ZNF347: variants seen among roughly 807,000 people sequenced by gnomAD.
The protein encoded by ZNF347 is zinc finger protein 347.
ZNF347 carries 19 observed loss-of-function variants against 12.9 expected under a neutral mutation model. The observed-to-expected ratio is 1.47, with a 90% CI of 1.03 to 2.16. The LOEUF (loss-of-function observed/expected upper bound fraction) is 2.16, where lower values mean the gene tolerates loss of function less well. ZNF347 is among the 30% of genes most tolerant of loss of function. The pLI is 0.00. For synonymous variants in ZNF347, 328 were observed against 340.6 expected (o/e 0.96, Z 0.41); for missense variants, 1,005 against 990.6 (o/e 1.01, Z -0.19).
chr19:53,142,268 C>T lies in ZNF347; in HGVS notation c.560G>A (p.Ser187Asn). The change falls in exon 5 of 5, where the codon AGC becomes AAC. Residue 187 changes from serine (S) to asparagine (N), a missense_variant. Coordinates refer to ENST00000334197, the MANE Select transcript of ZNF347 (RefSeq NM_032584.3). ...CAGTTCAGGCAGATGTGACTGAAGGCTTAATCCAAGCTGATTTTTAATAAG... is the reference window on the plus strand; with the variant it reads ...CAGTTCAGGCAGATGTGACTGAAGGTTTAATCCAAGCTGATTTTTAATAAG... ...NKLIKNQLGL[S>N]LQSHLPELQL... The T allele has an allele frequency of 1.2e-6, 2 of 1,613,686 alleles. No individual in the cohort carries two copies. Among genetic ancestry groups the T allele is most frequent in the Non-Finnish European group, 1.7e-6 (2 of 1,179,864 alleles).
chr19:53,134,982 T>C lies in ZNF347; in HGVS notation c.*5326A>G, dbSNP rs897240548. 6.6e-6 allele frequency: 1 copy of C among 151,208 alleles called. No homozygotes were observed. Among genetic ancestry groups the C allele is most frequent in the African/African-American group, 2.5e-5 (1 of 40,578 alleles). The allele number at this position is 151,208 out of a possible 1,614,324, so 9.4% of individuals were successfully genotyped here. On this transcript the variant is annotated 3_prime_UTR_variant, in exon 5 of 5. Transcript: ENST00000334197. ...TAATACAAAGTTACCACAATCACAA[T>C]GATATATGAAGATAAACCATTTAAA... is the stretch of plus-strand genomic sequence containing the variant.
intron 2 of ZNF347, among the ~76,000 whole-genome samples, chr19:53,152,924 C>T (rs527605583): frequency 1.3e-4 from 20 of 151,776 alleles, no homozygotes; most frequent in Non-Finnish European, 2.8e-4. Flanking sequence ...AGCAAGACTC[C>T]GTCTCAAAAA....
At chr19:53,150,238 C>T (rs990692520) in intron 2 of ZNF347, among the ~76,000 whole-genome samples, 2 of 152,146 alleles carry the variant, frequency 1.3e-5, no homozygotes, top group East Asian at 1.9e-4. Flanking sequence ...TAGGAGGTCA[C>T]TCAGCTGGTG....
rs747920388 is a variant in ZNF347 at position 53,140,318 on chromosome 19, T to C, written c.2510A>G (p.Gln837Arg). The C allele has an allele frequency of 1.0e-5, 16 of 1,545,724 alleles. No homozygotes were observed. The highest frequency in any genetic ancestry group is 1.4e-5 in the African/African-American group (1 of 72,356). Residue 837 changes from glutamine (Q) to arginine (R), a missense_variant, in exon 5 of 5, where the codon CAG (glutamine) becomes CGG (arginine). Physicochemically the swap from Gln to Arg is conservative, Grantham distance 43. Transcript: ENST00000334197. ...TAAGGTTTCTCTCCACTATGAATTC[T>C]GTGATGGCTTGCAAGGTTTGAACTC... ...KSEFKPCKPS[Q>R]NS
In ZNF347 at chr19:53,139,459, T is replaced by A. The variant is rs1402050846; in HGVS notation, c.*849A>T. Reference sequence around the variant, plus strand: ...ATGCAAAATAGCCACAGATCCATAGTTCAGGTTGAAAGTCACAAACAGTAG... The same window carrying A: ...ATGCAAAATAGCCACAGATCCATAGATCAGGTTGAAAGTCACAAACAGTAG... On this transcript the variant is annotated 3_prime_UTR_variant, in exon 5 of 5. Coordinates refer to ENST00000334197, the MANE Select transcript of ZNF347 (RefSeq NM_032584.3). 1 of 152,220 alleles carries A rather than the reference T, an allele frequency of 6.6e-6. No homozygotes were observed. Among genetic ancestry groups the A allele is most frequent in the East Asian group, 1.9e-4 (1 of 5,202 alleles). The allele number at this position is 152,220 out of a possible 1,614,324, so 9.4% of individuals were successfully genotyped here. A position where few individuals can be genotyped will look rare whatever the true frequency, so the allele number is the denominator to read the frequency against.
chr19:53,152,791 A>G (rs879746538), intron 2 of ZNF347, among the ~76,000 whole-genome samples: 2 of 151,884 alleles, frequency 1.3e-5, no homozygotes, highest in African/African-American at 2.4e-5. Context: ...TTAGCCGGGC[A>G]TGGTGGCGGG....
intron 1 of ZNF347, among the ~76,000 whole-genome samples, chr19:53,155,466 G>C (rs187444511): frequency 2.0e-5 from 3 of 151,732 alleles, no homozygotes; most frequent in Non-Finnish European, 4.4e-5. Flanking sequence ...GCAAGTAGCT[G>C]GGAGCGCAGG....
Position 53,154,041 on chromosome 19 carries a change from G to A in ZNF347, c.-46-248C>T, listed in dbSNP as rs147331632. ...CTTCAGAACCCACTCTCCTCCTGGA[G>A]AAGCCCACACACACGCTGCAGCAAT... On this transcript the variant is annotated intron_variant, in intron 1 of 4. Coordinates refer to ENST00000334197, the MANE Select transcript of ZNF347 (RefSeq NM_032584.3). Among the ~76,000 whole-genome samples, 650 of 152,212 alleles carry A rather than the reference G, an allele frequency of 4.3e-3. 4 individuals are homozygous for A. The highest frequency in any genetic ancestry group is 0.015 in the African/African-American group (615 of 41,526).
rs746212153 is a variant in ZNF347, at chr19:53,140,734, C to A, written c.2094G>T (p.Arg698Ser). 6.2e-7 allele frequency: 1 copy of A among 1,612,484 alleles called. No homozygotes were observed. The highest frequency in any genetic ancestry group is 2.2e-5 in the East Asian group (1 of 44,872). Residue 698 changes from arginine (R) to serine (S), a missense_variant, in exon 5 of 5, where the codon AGG becomes AGT. Coordinates refer to ENST00000334197, the MANE Select transcript of ZNF347 (RefSeq NM_032584.3). ...KAFSQTSKLA[R>S]HQRVHTGEKP... ...TCTCTCCAGTATGAACTCTCTGATG[C>A]CTTGCAAGCTTTGATGTTTGACTAA...
Position 53,138,506 on chromosome 19 carries a change from T to C in ZNF347, c.*1802A>G, listed in dbSNP as rs2090399206. 1.3e-5 allele frequency: 2 copies of C among 152,188 alleles called. No homozygotes were observed. The highest frequency in any genetic ancestry group is 6.5e-5 in the Admixed American group (1 of 15,276). 9.4% of individuals were successfully genotyped at this position (152,188 alleles called of 1,614,324 possible). ...CACACAAGCATGTAAAAATATAATA[T>C]GGTATATATTCACCAACACTGTGGC... On this transcript the variant is annotated 3_prime_UTR_variant, in exon 5 of 5. Coordinates refer to ENST00000334197, the MANE Select transcript of ZNF347 (RefSeq NM_032584.3).
At chr19:53,154,715 G>A (rs1048718230) in intron 1 of ZNF347, among the ~76,000 whole-genome samples, 2 of 152,010 alleles carry the variant, frequency 1.3e-5, no homozygotes, top group African/African-American at 2.4e-5. Context: ...AAAGATGACA[G>A]GAAATTAAAC....
intron 2 of ZNF347, chr19:53,149,647 G>A (rs1489224103): frequency 2.1e-5 from 9 of 425,326 alleles, no homozygotes; most frequent in Non-Finnish European, 3.6e-5. Flanking sequence ...ACCAAGGCTG[G>A]ATTACAGAGT....
chr19:53,156,891 CAGTT>C (rs1456879554), intron 1 of ZNF347, among the ~76,000 whole-genome samples: 1 of 152,152 alleles, frequency 6.6e-6, no homozygotes, highest in Non-Finnish European at 1.5e-5. Context: ...ATACGACACT[CAGTT>C]AGTGTCTGAT....
chr19:53,151,271 C>T (rs1261602946), intron 2 of ZNF347, among the ~76,000 whole-genome samples: 3 of 152,054 alleles, frequency 2.0e-5, no homozygotes, highest in Non-Finnish European at 4.4e-5. Context: ...CGTGGTGGCT[C>T]ATGCCTATAA....
chr19:53,155,744 AT>A (rs574576569), intron 1 of ZNF347, among the ~76,000 whole-genome samples: 1 of 152,138 alleles, frequency 6.6e-6, no homozygotes, highest in Non-Finnish European at 1.5e-5. Context: ...AAAAGTTAAA[AT>A]TGATGGCACG....
intron 2 of ZNF347, among the ~76,000 whole-genome samples, chr19:53,152,292 G>T (rs968568745): frequency 2.0e-5 from 3 of 151,956 alleles, no homozygotes; most frequent in Non-Finnish European, 4.4e-5. Flanking sequence ...AAAATTTGCA[G>T]GCTAAAATGT....
chr19:53,140,837 T>G lies in ZNF347; in HGVS notation c.1991A>C (p.Gln664Pro). 1 of 1,614,004 alleles carries G rather than the reference T, an allele frequency of 6.2e-7. No individual in the cohort carries two copies. The highest frequency in any genetic ancestry group is 8.5e-7 in the Non-Finnish European group (1 of 1,179,924). ...CCGATGTCTTGCAAGGTGTGAATTC[T>G]GAGTGAAGACCTTGCCACACTCATT... ...KCNECGKVFT[Q>P]NSHLARHRRV... The change falls in exon 5 of 5, where the codon CAG becomes CCG. Residue 664 changes from glutamine (Q) to proline (P), a missense_variant. By Grantham distance (76) the Gln-to-Pro change is moderately conservative. Transcript: ENST00000334197.
Position 53,138,972 on chromosome 19 carries a change from TAATAA to T in ZNF347, c.*1331_*1335del, listed in dbSNP as rs1009833756. 7.2e-5 allele frequency: 11 copies of T among 152,316 alleles called. No individual in the cohort carries two copies. The highest frequency in any genetic ancestry group is 2.6e-4 in the African/African-American group (11 of 41,570). The allele number at this position is 152,316 out of a possible 1,614,324, so 9.4% of individuals were successfully genotyped here. On this transcript the variant is annotated 3_prime_UTR_variant, in exon 5 of 5. Coordinates refer to ENST00000334197, the MANE Select transcript of ZNF347 (RefSeq NM_032584.3). ...GTTTTTCTGACCAAGCTCTCCACTCTAATAACTGTTACCTCTTCAATTTCAAAAAT... is the reference window on the plus strand; with the variant it reads ...GTTTTTCTGACCAAGCTCTCCACTCTCTGTTACCTCTTCAATTTCAAAAAT...
intron 2 of ZNF347, 137 bp from the exon 3 acceptor site, chr19:53,149,504 T>C (rs1457788037): frequency 6.8e-7 from 1 of 1,466,414 alleles, no homozygotes; most frequent in African/African-American, 1.4e-5. Context: ...ATACATATGG[T>C]CTTCATCCCC....
Sources: allele counts gnomAD v4.1 joint callset (sites outside exome capture counted in the v4.1 genomes callset), GRCh38; gene constraint gnomAD v4.1.1; transcripts MANE v1.5; gene names NCBI Gene and HGNC (gene_info 2026-07-23, HGNC 2026-07-21).